Variants in PKHD1L1 observed in about 807,000 individuals in gnomAD.
PKHD1L1 encodes the protein fibrocystin-L.
A neutral mutation model predicts 462.9 loss-of-function variants in PKHD1L1; 434 were observed. That is an observed-to-expected ratio of 0.94 (90% CI 0.87 to 1.02). The LOEUF (loss-of-function observed/expected upper bound fraction) is 1.02, where lower values mean the gene tolerates loss of function less well. PKHD1L1 is among the 50% of genes least tolerant of loss of function. The pLI is 0.00. For missense variants in PKHD1L1, 5,202 were observed against 5,096.1 expected, an observed-to-expected ratio of 1.02 and a Z score of -0.63; for synonymous variants, 1,781 against 1,750.0, an observed-to-expected ratio of 1.02 and a Z score of -0.44.
Position 109,435,189 on chromosome 8 carries a change from G to A in PKHD1L1, c.3341-1G>A. On this transcript the variant is annotated splice_acceptor_variant, in intron 28 of 77. Transcript: ENST00000378402. LOFTEE classifies it high-confidence loss of function. ...CTTCATCTTTTTCTTTTTTTCACAA[G>A]AAAAAGAGCTCAAGTGCCAGATTCT... 1 of 1,610,464 alleles carries A rather than the reference G, an allele frequency of 6.2e-7. No individual in the cohort carries two copies. Among genetic ancestry groups the A allele is most frequent in the South Asian group, 1.1e-5 (1 of 90,050 alleles).
chr8:109,428,023 CAAAAAAAAAAAAAA>C (rs55963339), intron 25 of PKHD1L1, among the ~76,000 whole-genome samples: 8,954 of 70,526 alleles, frequency 0.13, 1,068 homozygotes, highest in African/African-American at 0.33. Flanking sequence ...AACTCCGTCT[CAAAAAAAAAAAAAA>C]AAAAAAAAAA....
chr8:109,382,587 C>T lies in PKHD1L1; in HGVS notation c.417+16C>T, dbSNP rs1231253290. ...TACCTTCAACGTATGTAGGAATCTTCTCTTCAGTTTATGTATAGTTGATCT... is the reference window on the plus strand; with the variant it reads ...TACCTTCAACGTATGTAGGAATCTTTTCTTCAGTTTATGTATAGTTGATCT... On this transcript the variant is annotated intron_variant, in intron 4 of 77. Transcript: ENST00000378402. 1.3e-6 allele frequency: 2 copies of T among 1,591,878 alleles called. No homozygotes were observed. Among genetic ancestry groups the T allele is most frequent in the Non-Finnish European group, 1.7e-6 (2 of 1,165,792 alleles).
At chr8:109,505,080 G>A (rs895079564) in intron 68 of PKHD1L1, among the ~76,000 whole-genome samples, 3 of 151,854 alleles carry the variant, frequency 2.0e-5, no homozygotes, top group Admixed American at 6.6e-5. Flanking sequence ...TGTAGAGACA[G>A]GGTCTTTCTA....
chr8:109,374,601 G>T (rs1811705046), intron 2 of PKHD1L1, among the ~76,000 whole-genome samples: 1 of 152,168 alleles, frequency 6.6e-6, no homozygotes, highest in East Asian at 1.9e-4. Flanking sequence ...AGCCTTGATG[G>T]TCTTTACAAT....
Position 109,362,778 on chromosome 8 carries a change from T to A in PKHD1L1, c.73+125T>A. On this transcript the variant is annotated intron_variant, in intron 1 of 77. Transcript: ENST00000378402. The stretch of plus-strand genomic sequence containing the variant: ...GGCTGAGGCTGTGGGTGCGGTTGCA[T>A]GACGATCCTGGGGACCAGGGGAGCT... 5 of 1,041,042 alleles carry A rather than the reference T, an allele frequency of 4.8e-6. No individual in the cohort carries two copies. The South Asian group carries it at 7.0e-5, about 15-fold the overall frequency. The allele number at this position is 1,041,042 out of a possible 1,614,324, so 64.5% of individuals were successfully genotyped here. A position where few individuals can be genotyped will look rare whatever the true frequency, so the allele number is the denominator to read the frequency against.
chr8:109,518,069 G>T, intron 72 of PKHD1L1, 98 bp from the exon 73 acceptor site: 1 of 766,510 alleles, frequency 1.3e-6, no homozygotes, highest in Non-Finnish European at 2.0e-6. Flanking sequence ...AGTTGAATTT[G>T]GGGGACTTTC....
rs1038355937 is a variant in PKHD1L1 at position 109,536,939 on chromosome 8, T to A, written c.*6849T>A. ...ATTGACCCTAACTAGTATATGGTGA[T>A]TTTGAGTATTAAAAAAGAAGTTATA... On this transcript the variant is annotated 3_prime_UTR_variant, in exon 78 of 78. Transcript: ENST00000378402. Among the ~76,000 whole-genome samples the A allele has an allele frequency of 3.9e-5, 6 of 152,236 alleles. No individual in the cohort carries two copies. The highest frequency in any genetic ancestry group is 9.6e-5 in the African/African-American group (4 of 41,460).
In PKHD1L1 at chr8:109,464,487, T is replaced by C; in HGVS notation, c.7655T>C (p.Leu2552Pro). 4 of 1,613,776 alleles carry C rather than the reference T, an allele frequency of 2.5e-6. No individual in the cohort carries two copies. The highest frequency in any genetic ancestry group is 3.4e-6 in the Non-Finnish European group (4 of 1,179,784). Reference sequence around the variant, plus strand: ...GTATTTGTACAGCAAAGTACCAGTCTTCTGAATGATGATGTGACCCCGGCT... The same window carrying C: ...GTATTTGTACAGCAAAGTACCAGTCCTCTGAATGATGATGTGACCCCGGCT... The part of the protein sequence containing the change: ...LAVFVQQSTS[L>P]LNDDVTPAAF... Residue 2552 changes from leucine to proline, a missense_variant, in exon 49 of 78, where the codon CTT becomes CCT. Coordinates refer to ENST00000378402, the MANE Select transcript of PKHD1L1 (RefSeq NM_177531.6).
rs1290590415 is a variant in PKHD1L1 at position 109,490,906 on chromosome 8, T to G, written c.9985-66T>G. The G allele has an allele frequency of 5.8e-6, 8 of 1,378,690 alleles. No individual in the cohort carries two copies. The South Asian group carries it at 9.3e-5, about 16-fold the overall frequency. The allele number at this position is 1,378,690 out of a possible 1,614,324, so 85.4% of individuals were successfully genotyped here. The stretch of plus-strand genomic sequence containing the variant: ...GGTTTGTTTACTGAAAATCATTTAC[T>G]TCAATTTTTAAAAATATATTGTAAT... On this transcript the variant is annotated intron_variant, in intron 60 of 77. Transcript: ENST00000378402.
At chr8:109,472,071 T>C (rs1051249288) in intron 50 of PKHD1L1, among the ~76,000 whole-genome samples, 2 of 135,646 alleles carry the variant, frequency 1.5e-5, no homozygotes, top group African/African-American at 5.3e-5. Context: ...CTCCTAGAAG[T>C]CTTAATTGTG....
At chr8:109,485,341 C>T (rs919262366) in intron 58 of PKHD1L1, among the ~76,000 whole-genome samples, 168 bp downstream of exon 58, 4 of 151,870 alleles carry the variant, frequency 2.6e-5, no homozygotes, top group Admixed American at 6.6e-5. Flanking sequence ...TGTTGGTTAC[C>T]GATAGTCCCC....
At position 109,412,377 on chromosome 8, in the gene PKHD1L1, G is replaced by C. The variant is rs761842676; in HGVS notation, c.2198G>C (p.Arg733Pro). 1 of 1,613,192 alleles carries C rather than the reference G, an allele frequency of 6.2e-7. No individual in the cohort carries two copies. The highest frequency in any genetic ancestry group is 8.5e-7 in the Non-Finnish European group (1 of 1,179,460). Residue 733 changes from arginine to proline, a missense_variant, in exon 20 of 78, where the codon CGA (arginine) becomes CCA (proline). This residue lies in a region of PKHD1L1 where 4,497 missense variants were observed against 4,336.8 expected (regional missense o/e 1.04). Transcript: ENST00000378402. ...TCAGCAGATGTTAAACCAAACAGACGACCATATGGAGATATTTTATTGTTT... is the reference window on the plus strand; with the variant it reads ...TCAGCAGATGTTAAACCAAACAGACCACCATATGGAGATATTTTATTGTTT... The part of the protein sequence containing the change: ...FDSADVKPNR[R>P]PYGDILLFPY...
chr8:109,401,689 T>C, intron 14 of PKHD1L1, 101 bp downstream of exon 14: 1 of 573,572 alleles, frequency 1.7e-6, no homozygotes. Flanking sequence ...GGAAGTGATA[T>C]TAGTTTATTG....
chr8:109,455,080 G>A (rs1236392882), intron 45 of PKHD1L1, among the ~76,000 whole-genome samples: 1 of 152,174 alleles, frequency 6.6e-6, no homozygotes, highest in East Asian at 1.9e-4. Flanking sequence ...GCTCATACCT[G>A]TAATCCCAGC....
chr8:109,401,056 T>G (rs1813245913), intron 13 of PKHD1L1, among the ~76,000 whole-genome samples: 1 of 152,204 alleles, frequency 6.6e-6, no homozygotes, highest in Non-Finnish European at 1.5e-5. Flanking sequence ...TAATCATTCC[T>G]AATGGGAAGC....
chr8:109,391,558 G>A (rs1444263355), intron 9 of PKHD1L1, among the ~76,000 whole-genome samples: 3 of 152,074 alleles, frequency 2.0e-5, no homozygotes. Flanking sequence ...TAATTGTTCT[G>A]CCCAAGATGT....
intron 42 of PKHD1L1, 95 bp from the exon 43 acceptor site, chr8:109,452,623 A>G: frequency 3.2e-6 from 2 of 616,092 alleles, no homozygotes; most frequent in Non-Finnish European, 4.6e-6. Flanking sequence ...TATAATATAA[A>G]TATATTTATA....
chr8:109,508,058 T>A, intron 69 of PKHD1L1, 39 bp from the exon 70 acceptor site: 1 of 1,546,050 alleles, frequency 6.5e-7, no homozygotes, highest in Non-Finnish European at 8.7e-7. Context: ...GCAAAGAGAT[T>A]CTGTATTATT....
Position 109,449,347 on chromosome 8 carries a change from G to T in PKHD1L1, c.6035G>T (p.Gly2012Val). 1 of 1,572,864 alleles carries T rather than the reference G, an allele frequency of 6.4e-7. No individual in the cohort carries two copies. Among genetic ancestry groups the T allele is most frequent in the Non-Finnish European group, 8.6e-7 (1 of 1,157,772 alleles). ...QNINPSQGSF[G>V]GGQTMTVTGT... ...TATTTGTCTTCACTAGGGAGCTTTGGTGGGGGTCAAACCATGACTGTGACA... is the reference window on the plus strand; with the variant it reads ...TATTTGTCTTCACTAGGGAGCTTTGTTGGGGGTCAAACCATGACTGTGACA... The change falls in exon 40 of 78, where the codon GGT (glycine) becomes GTT (valine). Residue 2012 changes from glycine to valine, a missense_variant. Around this residue, in one of 3 missense-constraint regions of PKHD1L1, gnomAD observed 4,497 missense variants for 4,336.8 expected, o/e 1.04. Transcript: ENST00000378402.
Sources: gnomAD v4.1 joint callset for allele counts (sites outside exome capture counted in the v4.1 genomes callset) on GRCh38, gnomAD v4.1.1 for gene constraint, gnomAD v4.1.1 regional missense constraint, MANE v1.5 for transcripts, NCBI Gene and HGNC (gene_info 2026-07-23, HGNC 2026-07-21) for gene names.